Variants in STK3 observed in about 807,000 individuals in gnomAD.
STK3 encodes serine/threonine-protein kinase 3.
A neutral mutation model predicts 58.0 loss-of-function variants in STK3; 41 were observed. The ratio of observed to expected loss-of-function variants is 0.71; its 90% confidence interval spans 0.55 to 0.92. The LOEUF (loss-of-function observed/expected upper bound fraction) is 0.92. Ranked by LOEUF, STK3 falls within the 40% of genes least tolerant of loss-of-function variation. The probability of loss-of-function intolerance (pLI) is 0.00; values close to 1 mark genes in which losing one functional copy is unlikely to be tolerated. For synonymous variants in STK3, 170 were observed against 191.0 expected, an observed-to-expected ratio of 0.89 and a Z score of 0.91; for missense variants, 479 against 602.7, an observed-to-expected ratio of 0.79 and a Z score of 2.15.
chr8:98,568,332 A>T (rs1812678077), intron 8 of STK3, among the ~76,000 whole-genome samples: 1 of 152,216 alleles, frequency 6.6e-6, no homozygotes, highest in Admixed American at 6.5e-5. Context: ...GATGTCAAAA[A>T]TGTGGAAGCT....
At chr8:98,787,224 AATAG>A (rs1179701985) in intron 1 of STK3, among the ~76,000 whole-genome samples, 21 of 150,920 alleles carry the variant, frequency 1.4e-4, no homozygotes, top group East Asian at 3.9e-4. Context: ...TATTTAATGA[AATAG>A]ATAGCATAAA....
intron 3 of STK3, among the ~76,000 whole-genome samples, chr8:98,411,151 GA>G (rs1267411581): frequency 6.6e-6 from 1 of 152,162 alleles, no homozygotes; most frequent in East Asian, 1.9e-4. Flanking sequence ...ATAGTCAAAA[GA>G]AATAAACATT....
chr8:98,647,088 CT>C (rs1170453209), intron 6 of STK3, among the ~76,000 whole-genome samples: 1 of 152,182 alleles, frequency 6.6e-6, no homozygotes, highest in African/African-American at 2.4e-5. Context: ...CTGACATTAT[CT>C]CCTACTTCTT....
intron 6 of STK3, among the ~76,000 whole-genome samples, chr8:98,687,540 A>G (rs1396299924): frequency 1.3e-5 from 2 of 151,946 alleles, no homozygotes; most frequent in East Asian, 1.9e-4. Flanking sequence ...GAGTTGGGGG[A>G]CCCCTGTTCT....
Position 98,825,686 on chromosome 8 carries a change from T to C in STK3, c.-146A>G, listed in dbSNP as rs1220452859. ...AACTTTCCCGTAACTCCGCGGCGGA[T>C]CTCCCTCCCGCTTAGGAGCGCGGCT... On this transcript the variant is annotated 5_prime_UTR_variant, in exon 1 of 11. Coordinates refer to ENST00000419617, the MANE Select transcript of STK3 (RefSeq NM_006281.4). 3 of 1,093,208 alleles carry C rather than the reference T, an allele frequency of 2.7e-6. No individual in the cohort carries two copies. Among genetic ancestry groups the C allele is most frequent in the Non-Finnish European group, 3.4e-6 (3 of 890,764 alleles). 67.7% of individuals were successfully genotyped at this position (1,093,208 alleles called of 1,614,324 possible).
chr8:98,359,693 G>T, the STK3 span, among the ~76,000 whole-genome samples: 1 of 152,150 alleles, frequency 6.6e-6, no homozygotes, highest in Non-Finnish European at 1.5e-5. Context: ...GAGCAGCCAG[G>T]AGGATCTTTC....
intron 7 of STK3, among the ~76,000 whole-genome samples, chr8:98,588,325 C>G (rs1347998488): frequency 6.6e-6 from 1 of 151,742 alleles, no homozygotes; most frequent in East Asian, 1.9e-4. Flanking sequence ...ATTTGCTTGT[C>G]TGTAAAGGAT....
At chr8:98,614,838 CA>C (rs1018092355) in intron 6 of STK3, among the ~76,000 whole-genome samples, 5 of 152,124 alleles carry the variant, frequency 3.3e-5, no homozygotes, top group Non-Finnish European at 7.4e-5. Context: ...ATTGCTAGCA[CA>C]AAGCAGTCTG....
intron 8 of STK3, among the ~76,000 whole-genome samples, chr8:98,564,458 G>C (rs1487258620): frequency 6.6e-6 from 1 of 152,116 alleles, no homozygotes; most frequent in African/African-American, 2.4e-5. Flanking sequence ...AGAAATGGTG[G>C]TTTCCAGAGG....
chr8:98,806,363 A>G (rs1200561077), intron 1 of STK3, among the ~76,000 whole-genome samples: 1 of 152,204 alleles, frequency 6.6e-6, no homozygotes, highest in Non-Finnish European at 1.5e-5. Context: ...AACTTAAATC[A>G]GTTTTGCTAC....
chr8:98,674,906 C>T (rs1410793646), intron 6 of STK3, among the ~76,000 whole-genome samples: 1 of 152,090 alleles, frequency 6.6e-6, no homozygotes, highest in Non-Finnish European at 1.5e-5. Flanking sequence ...GGAATGGTAA[C>T]TACATTTCAC....
At chr8:98,401,031 A>G (rs7005600), downstream of STK3, among the ~76,000 whole-genome samples, 34,483 of 151,916 alleles carry the variant, frequency 0.23, 4,869 homozygotes, top group African/African-American at 0.4. Context: ...CATATAATTG[A>G]CTGTGCAACT....
rs1286720911 is a variant in STK3, at chr8:98,477,702, C to CGGGGGGGG, written c.1318-21710_1318-21703dup. On this transcript the variant is annotated intron_variant, in intron 10 of 10. Coordinates refer to ENST00000419617, the MANE Select transcript of STK3 (RefSeq NM_006281.4). ...AGCCTCGCATAATCATCACACTTGG[C>CGGGGGGGG]GGGGGGGGGGGGGGTGGGCGGGGGG... Among the ~76,000 whole-genome samples, 8 of 2,274 alleles carry CGGGGGGGG rather than the reference C, an allele frequency of 3.5e-3. 1 individual carries two copies. Among genetic ancestry groups the CGGGGGGGG allele is most frequent in the Admixed American group, 7.6e-3 (1 of 132 alleles). The allele number at this position is 2,274 out of a possible 152,430, so 1.5% of individuals were successfully genotyped here.
In STK3 at chr8:98,455,922, G is replaced by C. The variant is rs780118311; in HGVS notation, c.1396C>G (p.Leu466Val). 1.7e-5 allele frequency: 28 copies of C among 1,613,416 alleles called. No homozygotes were observed. The African/African-American group carries it at 3.5e-4, about 20-fold the overall frequency. The change falls in exon 11 of 11, where the codon CTT becomes GTT. Residue 466 changes from leucine (L) to valine (V), a missense_variant. This residue lies in a region of STK3 where 309 missense variants were observed against 355.7 expected (regional missense o/e 0.87). Coordinates refer to ENST00000419617, the MANE Select transcript of STK3 (RefSeq NM_006281.4). ...DPMMEREIEE[L>V]RQRYTAKRQP... Reference sequence around the variant, plus strand: ...CTTTTCGCAGTGTATCTCTGACGAAGTTCTTCTATCTCCCGTTCCATCATG... The same window carrying C: ...CTTTTCGCAGTGTATCTCTGACGAACTTCTTCTATCTCCCGTTCCATCATG...
chr8:98,463,759 C>A (rs1481196863), intron 10 of STK3, among the ~76,000 whole-genome samples: 4 of 151,950 alleles, frequency 2.6e-5, no homozygotes, highest in Non-Finnish European at 5.9e-5. Context: ...TTTGTTTTGT[C>A]AAAAATAGTC....
At chr8:98,869,408 G>A (rs1211916421) in intron 3 of STK3, among the ~76,000 whole-genome samples, 1 of 152,152 alleles carries the variant, frequency 6.6e-6, no homozygotes, top group Non-Finnish European at 1.5e-5. Flanking sequence ...GCAACAGAGT[G>A]AGACCCTGTC....
chr8:98,838,402 A>G (rs1377263936), intron 3 of STK3, among the ~76,000 whole-genome samples: 1 of 152,194 alleles, frequency 6.6e-6, no homozygotes, highest in African/African-American at 2.4e-5. Context: ...TGAACTAAGC[A>G]GAAAGAAGAC....
intron 8 of STK3, among the ~76,000 whole-genome samples, chr8:98,574,774 A>G (rs1586900354): frequency 6.6e-6 from 1 of 152,174 alleles, no homozygotes; most frequent in East Asian, 1.9e-4. Flanking sequence ...CTTCCATGAA[A>G]AAGGAAGAAC....
At chr8:98,354,101 G>A in the STK3 span, among the ~76,000 whole-genome samples, 1 of 152,112 alleles carries the variant, frequency 6.6e-6, no homozygotes, top group Non-Finnish European at 1.5e-5. Context: ...TTCATTTATG[G>A]AAAGCCCCCA....
Sources: allele counts gnomAD v4.1 joint callset (sites outside exome capture counted in the v4.1 genomes callset), GRCh38; gene constraint gnomAD v4.1.1; regional missense constraint gnomAD v4.1.1; transcripts MANE v1.5; gene names NCBI Gene and HGNC (gene_info 2026-07-23, HGNC 2026-07-21).